HLA-DRB5: variants seen among roughly 807,000 people sequenced by gnomAD.
HLA-DRB5 encodes the protein major histocompatibility complex, class II, DR beta 5.
In HLA-DRB5, 11 loss-of-function variants were observed where a neutral mutation model predicts 22.4. That is an observed-to-expected ratio of 0.49 (90% CI 0.31 to 0.81). The LOEUF (loss-of-function observed/expected upper bound fraction) is 0.81. Ranked by LOEUF, HLA-DRB5 falls within the 40% of genes least tolerant of loss-of-function variation. HLA-DRB5 has a pLI of 0.05. For synonymous variants in HLA-DRB5, 57 were observed against 106.0 expected, an observed-to-expected ratio of 0.54 and a Z score of 2.84; for missense variants, 106 against 274.4, an observed-to-expected ratio of 0.39 and a Z score of 4.34.
chr6:32,520,629 C>A (rs114594795), intron 2 of HLA-DRB5, among the ~76,000 whole-genome samples: 10,204 of 95,760 alleles, frequency 0.11, 233 homozygotes, highest in East Asian at 0.13. Context: ...ACTTGGGGTG[C>A]TTATGCCTAG....
intron 3 of HLA-DRB5, among the ~76,000 whole-genome samples, 199 bp downstream of exon 3, chr6:32,519,171 C>G (rs116576223): frequency 0.64 from 43,118 of 67,430 alleles, 16,771 homozygotes; most frequent in Middle Eastern, 0.78. Context: ...CTCCTTCCTG[C>G]CAGGAATGAC....
chr6:32,524,867 G>GTTGTGTATCTGAAAT (rs1347615340), intron 1 of HLA-DRB5, among the ~76,000 whole-genome samples: 2 of 47,788 alleles, frequency 4.2e-5, no homozygotes, highest in Non-Finnish European at 4.2e-5. Context: ...ATAAATTGTG[G>GTTGTGTATCTGAAAT]TCGTGTGTCT....
intron 1 of HLA-DRB5, among the ~76,000 whole-genome samples, chr6:32,529,769 A>C (rs796105884): frequency 0.096 from 10,749 of 111,604 alleles, 584 homozygotes; most frequent in Middle Eastern, 0.16. Flanking sequence ...TCAGAAAAAA[A>C]CTCGTTTTGT....
intron 2 of HLA-DRB5, among the ~76,000 whole-genome samples, chr6:32,520,416 A>T (rs150719104): frequency 1.8e-4 from 10 of 55,970 alleles, no homozygotes; most frequent in East Asian, 8.5e-4. Flanking sequence ...CCAATCTTTA[A>T]GTTCCCAGCA....
At chr6:32,519,844 A>ATAT (rs1554264619) in intron 2 of HLA-DRB5, among the ~76,000 whole-genome samples, 193 bp from the exon 3 acceptor site, 7,537 of 70,896 alleles carry the variant, frequency 0.11, 46 homozygotes, top group Middle Eastern at 0.17. Context: ...GATTTGAGAG[A>ATAT]TGTGAAAAAT....
intron 1 of HLA-DRB5, among the ~76,000 whole-genome samples, chr6:32,525,823 A>ATTCTCATGACCTAGACTAATAACT (rs1769542613): frequency 1.1e-5 from 1 of 92,192 alleles, no homozygotes; most frequent in African/African-American, 4.2e-5. Flanking sequence ...GATGGAGACC[A>ATTCTCATGACCTAGACTAATAACT]GATTCATTTT....
At chr6:32,518,906 A>C (rs143742029) in intron 3 of HLA-DRB5, among the ~76,000 whole-genome samples, 9,461 of 33,806 alleles carry the variant, frequency 0.28, 2,991 homozygotes, top group Middle Eastern at 0.38. Context: ...ACATCTGATA[A>C]ACAGAAAGCC....
intron 1 of HLA-DRB5, among the ~76,000 whole-genome samples, chr6:32,526,126 T>G (rs1769598037): frequency 9.7e-6 from 1 of 103,046 alleles, no homozygotes; most frequent in Non-Finnish European, 2.0e-5. Context: ...CTTAACCTTG[T>G]CCTCTCTTCT....
chr6:32,525,446 A>T (rs866474750), intron 1 of HLA-DRB5, among the ~76,000 whole-genome samples: 109 of 66,616 alleles, frequency 1.6e-3, no homozygotes, highest in Non-Finnish European at 2.2e-3. Flanking sequence ...TAAAGCAATT[A>T]GTATCTTCAT....
At chr6:32,525,012 CT>C (rs1357682251) in intron 1 of HLA-DRB5, among the ~76,000 whole-genome samples, 61 of 38,888 alleles carry the variant, frequency 1.6e-3, no homozygotes, top group Middle Eastern at 0.02. Context: ...ACTTATAGAA[CT>C]TTTAAAATGA....
chr6:32,520,050 G>A (rs547797725), intron 2 of HLA-DRB5, among the ~76,000 whole-genome samples: 431 of 33,890 alleles, frequency 0.013, 18 homozygotes, highest in Middle Eastern at 0.045. Context: ...ACCCATAATA[G>A]AGGATAATTA....
At chr6:32,529,205 A>ATGT (rs1770018648) in intron 1 of HLA-DRB5, among the ~76,000 whole-genome samples, 1 of 126,238 alleles carries the variant, frequency 7.9e-6, no homozygotes, top group Non-Finnish European at 1.7e-5. Flanking sequence ...AACAATGTCC[A>ATGT]CATTCTCTCT....
intron 1 of HLA-DRB5, among the ~76,000 whole-genome samples, chr6:32,524,020 T>TGA (rs1769285061): frequency 1.8e-5 from 1 of 56,812 alleles, no homozygotes; most frequent in Non-Finnish European, 3.6e-5. Flanking sequence ...TTGCCACAAG[T>TGA]TCCCCAAGGG....
chr6:32,522,699 G>A (rs1378408142), intron 1 of HLA-DRB5, among the ~76,000 whole-genome samples: 1 of 9,656 alleles, frequency 1.0e-4, no homozygotes, highest in African/African-American at 4.0e-4. Flanking sequence ...GTAAAAGTGA[G>A]GCCAAAAACC....
intron 1 of HLA-DRB5, among the ~76,000 whole-genome samples, chr6:32,525,978 T>C (rs879301557): frequency 0.1 from 4,407 of 43,804 alleles, 331 homozygotes; most frequent in East Asian, 0.14. Flanking sequence ...ATTTCCTTGA[T>C]AATAATGACC....
rs879229020 is a variant in HLA-DRB5, at chr6:32,521,811, T to TCTCTCTCACACACA, written c.370+93_370+94insTGTGTGTGAGAGAG. On this transcript the variant is annotated intron_variant, in intron 2 of 5. Transcript: ENST00000374975. The stretch of plus-strand genomic sequence containing the variant: ...CTCTGTCTCTCTCTTCCTCTCTCTC[T>TCTCTCTCACACACA]CACACACACACACACACACACACAC... 2.8e-5 allele frequency: 7 copies of TCTCTCTCACACACA among 249,364 alleles called. 1 individual carries two copies. The Admixed American group carries it at 4.2e-4, about 15-fold the overall frequency. 15.4% of individuals were successfully genotyped at this position (249,364 alleles called of 1,614,324 possible).
intron 1 of HLA-DRB5, among the ~76,000 whole-genome samples, chr6:32,527,930 G>A (rs112615434): frequency 0.18 from 6,637 of 36,108 alleles, 3,088 homozygotes; most frequent in South Asian, 0.54. Context: ...TAAAATTCAA[G>A]TTTCTTACCA....
chr6:32,518,936 A>G (rs73729759), intron 3 of HLA-DRB5, among the ~76,000 whole-genome samples: 26,410 of 47,232 alleles, frequency 0.56, 10,098 homozygotes, highest in Middle Eastern at 0.72. Context: ...ATGAGGTTAA[A>G]TAGTTTGTCT....
chr6:32,523,043 C>A (rs72508442), intron 1 of HLA-DRB5, among the ~76,000 whole-genome samples: 88,833 of 111,574 alleles, frequency 0.8, 37,517 homozygotes, highest in Middle Eastern at 0.89. Flanking sequence ...AGACTGGAGA[C>A]ATCACAAGAA....
Sources: allele counts gnomAD v4.1 joint callset (sites outside exome capture counted in the v4.1 genomes callset), GRCh38; gene constraint gnomAD v4.1.1; transcripts MANE v1.5; gene names NCBI Gene and HGNC (gene_info 2026-07-23, HGNC 2026-07-21).